The following ANKFN1 variants were observed in gnomAD, a reference collection of about 807,000 sequenced individuals.
ANKFN1 encodes the protein ankyrin repeat and fibronectin type III domain containing 1.
A neutral mutation model predicts 108.7 loss-of-function variants in ANKFN1; 74 were observed. The ratio of observed to expected loss-of-function variants is 0.68; its 90% CI spans 0.56 to 0.83. ANKFN1 has a LOEUF of 0.83. Among genes scored for constraint, ANKFN1 ranks in the 40% least tolerant of loss-of-function variants. The pLI, the probability that ANKFN1 is intolerant of heterozygous loss-of-function variation, is 0.00. For missense variants in ANKFN1, 1,505 were observed against 1,382.3 expected (o/e 1.09, Z -1.41); for synonymous variants, 547 against 516.2 (o/e 1.06, Z -0.81).
intron 4 of ANKFN1, among the ~76,000 whole-genome samples, chr17:56,052,810 A>G (rs890935686): frequency 2.0e-5 from 3 of 152,200 alleles, no homozygotes; most frequent in Admixed American, 1.3e-4. Flanking sequence ...AAGTTATACC[A>G]GAGAGTAGAT....
chr17:56,459,145 C>G (rs2049816616), intron 14 of ANKFN1, among the ~76,000 whole-genome samples: 1 of 152,036 alleles, frequency 6.6e-6, no homozygotes, highest in South Asian at 2.1e-4. Flanking sequence ...GAATCTCTCT[C>G]TGTCTCCCAG....
intron 3 of ANKFN1, among the ~76,000 whole-genome samples, chr17:56,239,386 T>C (rs1351919602): frequency 2.0e-5 from 3 of 152,042 alleles, no homozygotes; most frequent in East Asian, 1.9e-4. Flanking sequence ...AAGCTAACAA[T>C]TGAAGTGTTC....
intron 4 of ANKFN1, among the ~76,000 whole-genome samples, chr17:56,342,022 G>C (rs2045972052): frequency 6.6e-6 from 1 of 151,868 alleles, no homozygotes; most frequent in Non-Finnish European, 1.5e-5. Flanking sequence ...TTTCTTCTTG[G>C]TTCAGTGTTG....
chr17:56,303,523 A>G (rs1326398720), intron 3 of ANKFN1, among the ~76,000 whole-genome samples: 1 of 152,194 alleles, frequency 6.6e-6, no homozygotes, highest in Non-Finnish European at 1.5e-5. Flanking sequence ...CCAAGGAACC[A>G]CTAATGGGAG....
At chr17:56,411,508 G>A (rs1006639053) in intron 8 of ANKFN1, among the ~76,000 whole-genome samples, 2 of 152,016 alleles carry the variant, frequency 1.3e-5, no homozygotes, top group African/African-American at 4.8e-5. Context: ...TCTGTGGCTA[G>A]GACTTCTAGT....
intron 3 of ANKFN1, among the ~76,000 whole-genome samples, chr17:56,308,331 C>G (rs1401482770): frequency 1.3e-5 from 2 of 151,642 alleles, no homozygotes; most frequent in Non-Finnish European, 2.9e-5. Context: ...TGGTATTGCA[C>G]TTTTAACTTG....
chr17:56,172,788 C>T (rs1001953494), intron 1 of ANKFN1, among the ~76,000 whole-genome samples: 1 of 152,170 alleles, frequency 6.6e-6, no homozygotes, highest in Non-Finnish European at 1.5e-5. Flanking sequence ...CCCACGCTGT[C>T]TTAAAGGCAC....
At chr17:56,144,574 G>A (rs1406090620) in intron 4 of ANKFN1, among the ~76,000 whole-genome samples, 1 of 152,200 alleles carries the variant, frequency 6.6e-6, no homozygotes, top group Non-Finnish European at 1.5e-5. Context: ...CAGAGAATCT[G>A]TTGTTTGGTT....
intron 3 of ANKFN1, among the ~76,000 whole-genome samples, chr17:56,253,541 C>G (rs934687970): frequency 6.6e-6 from 1 of 152,056 alleles, no homozygotes; most frequent in Non-Finnish European, 1.5e-5. Flanking sequence ...AGTTTGAGAC[C>G]AACCTGGCCA....
chr17:56,130,668 G>T lies in ANKFN1; in HGVS notation c.288+84343G>T, dbSNP rs988957655. Among the ~76,000 whole-genome samples, 29 of 152,066 alleles carry T rather than the reference G, an allele frequency of 1.9e-4. 2 individuals carry two copies. Among genetic ancestry groups the T allele is most frequent in the Non-Finnish European group, 7.4e-5 (5 of 68,018 alleles). On this transcript the variant is annotated intron_variant, in intron 4 of 12. Transcript: ENST00000635860. ...GGTTTACTGGATTGAAGGATATTTCGATCTGCCAACCAAGGGGCATTTTGA... is the reference window on the plus strand; with the variant it reads ...GGTTTACTGGATTGAAGGATATTTCTATCTGCCAACCAAGGGGCATTTTGA...
chr17:56,483,800 G>C (rs1282949042), intron 18 of ANKFN1, among the ~76,000 whole-genome samples: 3 of 152,158 alleles, frequency 2.0e-5, no homozygotes, highest in Non-Finnish European at 4.4e-5. Context: ...ACACTGTTTG[G>C]GGCAGGGTAT....
intron 2 of ANKFN1, among the ~76,000 whole-genome samples, chr17:56,220,587 G>A (rs924078879): frequency 6.6e-6 from 1 of 151,992 alleles, no homozygotes; most frequent in Non-Finnish European, 1.5e-5. Flanking sequence ...CTAGACCAGG[G>A]AGGTTGAGGC....
In ANKFN1 at chr17:56,391,259, G is replaced by C; in HGVS notation, c.910+16545G>C. ...TATATATATATATATGTATGTGTGT[G>C]TGTGTGTGTACATATATATATGTAT... On this transcript the variant is annotated intron_variant, in intron 8 of 20. Transcript: ENST00000682825. Among the ~76,000 whole-genome samples the C allele has an allele frequency of 4.4e-5, 6 of 135,120 alleles. No homozygotes were observed. In the South Asian group the frequency reaches 9.4e-4, roughly 21 times the overall value. The allele number at this position is 135,120 out of a possible 152,430, so 88.6% of individuals were successfully genotyped here.
At chr17:56,382,567 C>T (rs1232945813) in intron 8 of ANKFN1, among the ~76,000 whole-genome samples, 1 of 152,160 alleles carries the variant, frequency 6.6e-6, no homozygotes, top group Non-Finnish European at 1.5e-5. Context: ...CATCAGTGTG[C>T]TGTATTCATA....
chr17:56,253,101 G>T (rs1168558985), intron 3 of ANKFN1, among the ~76,000 whole-genome samples: 1 of 152,194 alleles, frequency 6.6e-6, no homozygotes, highest in Non-Finnish European at 1.5e-5. Flanking sequence ...GAGTGAGAAA[G>T]AAGAGTGAGG....
intron 4 of ANKFN1, among the ~76,000 whole-genome samples, chr17:56,105,983 C>T (rs1336318269): frequency 6.6e-6 from 1 of 151,722 alleles, no homozygotes; most frequent in Non-Finnish European, 1.5e-5. Flanking sequence ...ATGGCCTGGC[C>T]CAAAATGTCA....
intron 4 of ANKFN1, among the ~76,000 whole-genome samples, chr17:56,085,182 T>C (rs952055745): frequency 2.6e-4 from 3 of 11,586 alleles, no homozygotes; most frequent in Non-Finnish European, 7.5e-4. Context: ...CTCCAAAGCA[T>C]ATATATATAT....
intron 3 of ANKFN1, among the ~76,000 whole-genome samples, chr17:56,256,401 T>C (rs986089466): frequency 6.6e-6 from 1 of 152,214 alleles, no homozygotes; most frequent in Non-Finnish European, 1.5e-5. Context: ...TTCTCTGTCC[T>C]CATAAAAGGA....
chr17:56,205,617 A>T (rs1323867678), intron 1 of ANKFN1, among the ~76,000 whole-genome samples: 1 of 152,186 alleles, frequency 6.6e-6, no homozygotes, highest in Non-Finnish European at 1.5e-5. Context: ...TATAACGAAA[A>T]GTGATACTAT....
Sources: allele counts gnomAD v4.1 joint callset (sites outside exome capture counted in the v4.1 genomes callset), GRCh38; gene constraint gnomAD v4.1.1; transcripts MANE v1.5; gene names NCBI Gene and HGNC (gene_info 2026-07-23, HGNC 2026-07-21).